Variants in ALK observed in about 807,000 individuals in gnomAD.
ALK encodes ALK tyrosine kinase receptor.
Under a neutral mutation model 163.1 loss-of-function variants are expected in ALK, and 74 were observed. The ratio of observed to expected loss-of-function variants is 0.45; its 90% CI spans 0.38 to 0.55. ALK has a LOEUF of 0.55. ALK is among the 20% of genes least tolerant of loss of function. ALK has a pLI of 0.00. For synonymous variants in ALK, 960 were observed against 843.2 expected, an observed-to-expected ratio of 1.14 and a Z score of -2.40; for missense variants, 2,063 against 2,105.3, an observed-to-expected ratio of 0.98 and a Z score of 0.39.
chr2:29,692,397 AC>A (rs796593448), intron 3 of ALK, among the ~76,000 whole-genome samples: 9 of 152,256 alleles, frequency 5.9e-5, no homozygotes, highest in African/African-American at 2.2e-4. Flanking sequence ...ATGGTCCCCA[AC>A]CTTTTTGGCA....
At chr2:29,388,896 G>T (rs1669094777) in intron 4 of ALK, among the ~76,000 whole-genome samples, 1 of 152,188 alleles carries the variant, frequency 6.6e-6, no homozygotes, top group South Asian at 2.1e-4. Context: ...AAGAAATTAT[G>T]TTAGAACATC....
intron 8 of ALK, 62 bp downstream of exon 8, chr2:29,318,242 G>T (rs1197340156): frequency 5.7e-6 from 8 of 1,411,896 alleles, no homozygotes; most frequent in Non-Finnish European, 3.0e-6. Context: ...CTTAATCTGG[G>T]TTCCGGAAGT....
Position 29,622,292 on chromosome 2 carries a change from A to C in ALK, c.952+72558T>G, listed in dbSNP as rs576926457. ...TAAAGACATATCCGAGACTGGGAAG[A>C]AAAAGAGGTTTAATTGGACTTACAG... On this transcript the variant is annotated intron_variant, in intron 3 of 28. Transcript: ENST00000389048. 1.5e-3 allele frequency among the ~76,000 whole-genome samples: 233 copies of C among 152,328 alleles called. 4 individuals are homozygous for C. The highest frequency in any genetic ancestry group is 1.6e-3 in the Non-Finnish European group (106 of 68,022).
chr2:29,713,229 A>G (rs1679159045), intron 2 of ALK, among the ~76,000 whole-genome samples: 1 of 152,220 alleles, frequency 6.6e-6, no homozygotes, highest in Non-Finnish European at 1.5e-5. Flanking sequence ...ATATTGGATT[A>G]AGGCCCATCC....
chr2:29,883,515 C>A (rs962744597), intron 1 of ALK, among the ~76,000 whole-genome samples: 1 of 152,208 alleles, frequency 6.6e-6, no homozygotes, highest in African/African-American at 2.4e-5. Flanking sequence ...GACTTGTCTA[C>A]CACTGTATCT....
intron 3 of ALK, among the ~76,000 whole-genome samples, chr2:29,611,571 T>C (rs1181188155): frequency 6.6e-6 from 1 of 152,186 alleles, no homozygotes; most frequent in Non-Finnish European, 1.5e-5. Context: ...GTTATATAAA[T>C]AAATGATATG....
At chr2:29,401,131 C>A (rs144045527) in intron 4 of ALK, among the ~76,000 whole-genome samples, 1 of 152,140 alleles carries the variant, frequency 6.6e-6, no homozygotes, top group Non-Finnish European at 1.5e-5. Context: ...TTTAGCTACT[C>A]CCACCCTCAG....
At chr2:29,664,962 A>G (rs1456413723) in intron 3 of ALK, among the ~76,000 whole-genome samples, 1 of 150,338 alleles carries the variant, frequency 6.7e-6, no homozygotes, top group African/African-American at 2.4e-5. Flanking sequence ...CTAGCCTTCC[A>G]TTGAGAACCT....
At chr2:29,248,333 C>G (rs1311889824) in intron 12 of ALK, among the ~76,000 whole-genome samples, 1 of 152,060 alleles carries the variant, frequency 6.6e-6, no homozygotes, top group Non-Finnish European at 1.5e-5. Flanking sequence ...AAAATTAGCT[C>G]ATGCCTGTAA....
intron 1 of ALK, among the ~76,000 whole-genome samples, chr2:29,891,982 C>A (rs1406193191): frequency 6.6e-6 from 1 of 152,198 alleles, no homozygotes; most frequent in East Asian, 1.9e-4. Context: ...CTCCCTAACC[C>A]AGTCAACCGG....
At chr2:29,735,387 A>G (rs1034314086) in intron 1 of ALK, among the ~76,000 whole-genome samples, 3 of 152,144 alleles carry the variant, frequency 2.0e-5, no homozygotes, top group Admixed American at 6.5e-5. Context: ...TGATTTTATA[A>G]TAATAAATGC....
At chr2:29,799,282 G>A (rs886406797) in intron 1 of ALK, among the ~76,000 whole-genome samples, 7 of 152,286 alleles carry the variant, frequency 4.6e-5, no homozygotes, top group African/African-American at 1.7e-4. Flanking sequence ...ATCCAGCAAG[G>A]GCACCAACTT....
intron 1 of ALK, among the ~76,000 whole-genome samples, chr2:29,808,598 A>G (rs1664676193): frequency 6.6e-6 from 1 of 152,040 alleles, no homozygotes; most frequent in Non-Finnish European, 1.5e-5. Context: ...ACAAGCCATT[A>G]CCCTCTTCTC....
chr2:29,886,094 C>G (rs527470610), intron 1 of ALK, among the ~76,000 whole-genome samples: 4 of 152,318 alleles, frequency 2.6e-5, no homozygotes, highest in African/African-American at 9.6e-5. Context: ...TAATGATCCA[C>G]TTCCACTTAA....
chr2:29,914,504 A>C (rs576368669), intron 1 of ALK, among the ~76,000 whole-genome samples: 1 of 152,342 alleles, frequency 6.6e-6, no homozygotes, highest in African/African-American at 2.4e-5. Flanking sequence ...CTATTATATA[A>C]AAAAACAATA....
intron 25 of ALK, among the ~76,000 whole-genome samples, chr2:29,209,417 C>T (rs530223185): frequency 9.9e-5 from 15 of 152,086 alleles, no homozygotes; most frequent in Admixed American, 3.3e-4. Flanking sequence ...TGGTGCATGC[C>T]TGTAATCCCA....
At chr2:29,417,385 T>C (rs1157060696) in intron 4 of ALK, among the ~76,000 whole-genome samples, 4 of 152,188 alleles carry the variant, frequency 2.6e-5, no homozygotes, top group Non-Finnish European at 5.9e-5. Flanking sequence ...CATGAATGAA[T>C]CTGTTCTTGA....
At chr2:29,566,674 A>T (rs1238766568) in intron 3 of ALK, among the ~76,000 whole-genome samples, 1 of 152,254 alleles carries the variant, frequency 6.6e-6, no homozygotes, top group East Asian at 1.9e-4. Context: ...ATGGAAGTGA[A>T]TAAAAATGTA....
intron 13 of ALK, among the ~76,000 whole-genome samples, chr2:29,237,504 G>T (rs1177705107): frequency 4.6e-5 from 7 of 152,076 alleles, no homozygotes; most frequent in African/African-American, 1.7e-4. Context: ...TCTGGGACAT[G>T]GCCTTTGCTG....
Sources: gnomAD v4.1 joint callset for allele counts (sites outside exome capture counted in the v4.1 genomes callset) on GRCh38, gnomAD v4.1.1 for gene constraint, MANE v1.5 for transcripts, NCBI Gene and HGNC (gene_info 2026-07-23, HGNC 2026-07-21) for gene names.